The following RBFOX1 variants were observed in gnomAD, a reference collection of about 807,000 sequenced individuals.
The protein encoded by RBFOX1 is RNA binding protein fox-1 homolog 1.
RBFOX1 carries 8 observed loss-of-function variants against 57.7 expected under a neutral mutation model. The ratio of observed to expected loss-of-function variants is 0.14; its 90% CI spans 0.08 to 0.25. The LOEUF is 0.25. RBFOX1 is among the 10% of genes least tolerant of loss of function. The pLI, the probability that RBFOX1 is intolerant of heterozygous loss-of-function variation, is 1.00. For synonymous variants in RBFOX1, 326 were observed against 222.4 expected, an observed-to-expected ratio of 1.47 and a Z score of -4.15; for missense variants, 611 against 548.5, an observed-to-expected ratio of 1.11 and a Z score of -1.14.
chr16:5,932,948 G>T (rs2059095624), intron 4 of RBFOX1, among the ~76,000 whole-genome samples: 1 of 152,118 alleles, frequency 6.6e-6, no homozygotes, highest in Admixed American at 6.5e-5. Flanking sequence ...AAATTATTAG[G>T]TAATGATATC....
At chr16:6,369,546 G>T (rs923908787) in intron 2 of RBFOX1, among the ~76,000 whole-genome samples, 8 of 152,158 alleles carry the variant, frequency 5.3e-5, no homozygotes, top group East Asian at 1.9e-4. Flanking sequence ...TCCTAAAGTT[G>T]TTGGGAGTGA....
At chr16:6,098,460 G>A (rs539551298) in intron 1 of RBFOX1, among the ~76,000 whole-genome samples, 5 of 152,254 alleles carry the variant, frequency 3.3e-5, no homozygotes, top group East Asian at 1.9e-4. Flanking sequence ...CCCCAGCCTC[G>A]GGAGGCCCAG....
chr16:6,385,935 CTTTCTTTT>C (rs2092240836), intron 2 of RBFOX1, among the ~76,000 whole-genome samples: 1 of 54,216 alleles, frequency 1.8e-5, no homozygotes, highest in Non-Finnish European at 4.4e-5. Flanking sequence ...TCTTTTTTTT[CTTTCTTTT>C]TTTTTTTTTT....
At chr16:6,904,763 G>T (rs1012508875) in intron 3 of RBFOX1, among the ~76,000 whole-genome samples, 8 of 152,100 alleles carry the variant, frequency 5.3e-5, no homozygotes, top group Non-Finnish European at 1.0e-4. Context: ...GGGAAGGCCA[G>T]TTCACCTGCC....
intron 3 of RBFOX1, among the ~76,000 whole-genome samples, chr16:6,668,956 T>A (rs1490817477): frequency 6.6e-6 from 1 of 152,240 alleles, no homozygotes; most frequent in Non-Finnish European, 1.5e-5. Flanking sequence ...GTGGCTTTTT[T>A]GTGATGAGTG....
chr16:6,513,036 C>G (rs559938483), intron 2 of RBFOX1, among the ~76,000 whole-genome samples: 2 of 152,242 alleles, frequency 1.3e-5, no homozygotes, highest in East Asian at 3.9e-4. Context: ...TGTGAAAATA[C>G]AAAATAGCAC....
intron 4 of RBFOX1, among the ~76,000 whole-genome samples, chr16:7,480,761 G>A (rs1002676416): frequency 8.5e-5 from 13 of 152,174 alleles, no homozygotes; most frequent in Non-Finnish European, 1.3e-4. Flanking sequence ...GATGTGGGAA[G>A]CCATTTGTGA....
At chr16:5,952,300 G>A (rs887127305) in intron 4 of RBFOX1, among the ~76,000 whole-genome samples, 15 of 151,814 alleles carry the variant, frequency 9.9e-5, no homozygotes, top group East Asian at 3.9e-4. Flanking sequence ...ACAGGCGTGC[G>A]CCACCACACC....
chr16:6,866,445 T>A (rs2142975329), intron 3 of RBFOX1, among the ~76,000 whole-genome samples: 1 of 151,654 alleles, frequency 6.6e-6, no homozygotes, highest in Admixed American at 6.6e-5. Flanking sequence ...CCCATCTGCA[T>A]CTTCATGTTA....
At chr16:6,977,195 T>C (rs1183332295) in intron 3 of RBFOX1, among the ~76,000 whole-genome samples, 2 of 143,680 alleles carry the variant, frequency 1.4e-5, no homozygotes, top group Non-Finnish European at 3.0e-5. Context: ...ATATCACATA[T>C]ATATGTTTTA....
At chr16:6,725,491 G>A (rs1313307184) in intron 3 of RBFOX1, among the ~76,000 whole-genome samples, 1 of 152,096 alleles carries the variant, frequency 6.6e-6, no homozygotes, top group African/African-American at 2.4e-5. Context: ...AGCCTTAGGG[G>A]ATGAACCCTC....
intron 3 of RBFOX1, among the ~76,000 whole-genome samples, chr16:7,027,999 A>G (rs1265076130): frequency 6.6e-6 from 1 of 151,996 alleles, no homozygotes; most frequent in Non-Finnish European, 1.5e-5. Context: ...GGCAAGAAGG[A>G]AGGGAAGAAG....
intron 14 of RBFOX1, among the ~76,000 whole-genome samples, chr16:7,697,164 G>C (rs1449598734): frequency 1.3e-5 from 2 of 152,148 alleles, no homozygotes; most frequent in Admixed American, 6.6e-5. Flanking sequence ...AAGGGCAATG[G>C]GGGGGCCCTT....
Position 6,458,733 on chromosome 16 carries a change from A to C in RBFOX1, c.-64+141676A>C, listed in dbSNP as rs1227455837. Reference sequence around the variant, plus strand: ...TCATTTGACCTAGGAGTAAGGAATGAAAAACGGTATCTGTGTTAAAGCAAT... The same window carrying C: ...TCATTTGACCTAGGAGTAAGGAATGCAAAACGGTATCTGTGTTAAAGCAAT... On this transcript the variant is annotated intron_variant, in intron 2 of 15. Coordinates refer to ENST00000550418, the MANE Select transcript of RBFOX1 (RefSeq NM_018723.4). Among the ~76,000 whole-genome samples, 4 of 152,258 alleles carry C rather than the reference A, an allele frequency of 2.6e-5. No homozygotes were observed. The South Asian group carries it at 8.3e-4, about 31-fold the overall frequency.
At chr16:6,643,588 T>G (rs548612615) in intron 2 of RBFOX1, among the ~76,000 whole-genome samples, 2 of 152,180 alleles carry the variant, frequency 1.3e-5, no homozygotes, top group South Asian at 2.1e-4. Flanking sequence ...GCAATTAACT[T>G]TAGAACATTG....
rs1272050666 is a variant in RBFOX1, at chr16:5,742,865, T to A, written c.319-124438T>A. ...AAGAGCTAGCTTGAAGAACTTCATT[T>A]GGGCCGAGAGATGGATCTGGTCAGG... On this transcript the variant is annotated intron_variant, in intron 3 of 19. Transcript: ENST00000641259. 2.0e-5 allele frequency among the ~76,000 whole-genome samples: 3 copies of A among 152,302 alleles called. No individual in the cohort carries two copies. The East Asian group carries it at 5.8e-4, about 29-fold the overall frequency.
intron 5 of RBFOX1, among the ~76,000 whole-genome samples, chr16:7,576,512 A>G (rs2093352697): frequency 1.3e-5 from 2 of 152,260 alleles, no homozygotes; most frequent in South Asian, 4.1e-4. Flanking sequence ...TGCATGCTTT[A>G]AGGATTCTTT....
intron 4 of RBFOX1, among the ~76,000 whole-genome samples, chr16:7,121,896 C>A (rs979587877): frequency 4.6e-5 from 7 of 151,794 alleles, no homozygotes; most frequent in Non-Finnish European, 1.0e-4. Context: ...TTAATTAAAT[C>A]TTAGAAAAGG....
At chr16:7,078,889 T>TA (rs1555454751) in intron 4 of RBFOX1, among the ~76,000 whole-genome samples, 4 of 141,538 alleles carry the variant, frequency 2.8e-5, no homozygotes, top group Non-Finnish European at 6.1e-5. Context: ...TTTTTTTTTT[T>TA]AGTGAAGATG....
Sources: gnomAD v4.1 joint callset for allele counts (sites outside exome capture counted in the v4.1 genomes callset) on GRCh38, gnomAD v4.1.1 for gene constraint, MANE v1.5 for transcripts, NCBI Gene and HGNC (gene_info 2026-07-23, HGNC 2026-07-21) for gene names.